Variants in SDK1 observed in about 807,000 individuals in gnomAD.
SDK1 encodes the protein protein sidekick-1.
A neutral mutation model predicts 245.5 loss-of-function variants in SDK1; 157 were observed. The observed-to-expected ratio is 0.64, with a 90% CI of 0.56 to 0.73. SDK1 has a LOEUF of 0.73. Among genes scored for constraint, SDK1 ranks in the 30% least tolerant of loss-of-function variants. The pLI is 0.00. For synonymous variants in SDK1, 1,647 were observed against 1,278.5 expected (o/e 1.29, Z -6.15); for missense variants, 3,583 against 3,002.3 (o/e 1.19, Z -4.52).
At chr7:3,680,012 G>T (rs1388224405) in intron 4 of SDK1, among the ~76,000 whole-genome samples, 1 of 47,122 alleles carries the variant, frequency 2.1e-5, no homozygotes, top group Non-Finnish European at 5.9e-5. Flanking sequence ...TTTGAGATTA[G>T]TAAAAAAATC....
intron 17 of SDK1, among the ~76,000 whole-genome samples, chr7:4,028,364 A>T (rs1202661233): frequency 6.6e-6 from 1 of 152,216 alleles, no homozygotes; most frequent in Non-Finnish European, 1.5e-5. Flanking sequence ...AGGCTCCTGG[A>T]GAGAAACAAT....
intron 38 of SDK1, among the ~76,000 whole-genome samples, chr7:4,210,909 G>A (rs915024256): frequency 2.6e-5 from 4 of 152,176 alleles, no homozygotes; most frequent in Admixed American, 6.5e-5. Context: ...GGAAGAGACC[G>A]GAGTGACAAG....
chr7:3,532,613 A>T (rs781256818), intron 1 of SDK1, among the ~76,000 whole-genome samples: 2 of 152,194 alleles, frequency 1.3e-5, no homozygotes, highest in Non-Finnish European at 2.9e-5. Context: ...TATAACTGTC[A>T]TGTTAACTCC....
intron 1 of SDK1, among the ~76,000 whole-genome samples, chr7:3,500,190 G>T (rs1281093565): frequency 6.6e-6 from 1 of 152,074 alleles, no homozygotes; most frequent in Non-Finnish European, 1.5e-5. Flanking sequence ...CTGTTGTTTA[G>T]CTCTGATCCT....
chr7:4,153,399 G>A (rs966808213), intron 30 of SDK1, among the ~76,000 whole-genome samples: 4 of 151,942 alleles, frequency 2.6e-5, no homozygotes, highest in African/African-American at 7.3e-5. Context: ...CATCCTGGCC[G>A]ATATGGTGAA....
intron 1 of SDK1, among the ~76,000 whole-genome samples, chr7:3,441,411 C>A (rs1259105743): frequency 6.6e-6 from 1 of 152,030 alleles, no homozygotes; most frequent in African/African-American, 2.4e-5. Context: ...CAAAAAAAAA[C>A]CAAAATCTCT....
At chr7:4,101,289 C>T (rs1782522278) in intron 22 of SDK1, among the ~76,000 whole-genome samples, 1 of 151,940 alleles carries the variant, frequency 6.6e-6, no homozygotes, top group Non-Finnish European at 1.5e-5. Context: ...CTACAGGTGC[C>T]CGCCACCACA....
At chr7:3,542,777 T>G (rs942094123) in intron 1 of SDK1, among the ~76,000 whole-genome samples, 1 of 152,184 alleles carries the variant, frequency 6.6e-6, no homozygotes, top group East Asian at 1.9e-4. Context: ...TTAAAGAAGG[T>G]ACAGAGCTCT....
intron 5 of SDK1, among the ~76,000 whole-genome samples, chr7:3,840,938 G>A (rs924527811): frequency 2.0e-5 from 3 of 152,122 alleles, no homozygotes; most frequent in South Asian, 2.1e-4. Context: ...AATCCACATC[G>A]ACTTCAGATG....
At chr7:4,070,122 C>T (rs905251526) in intron 20 of SDK1, among the ~76,000 whole-genome samples, 1 of 152,182 alleles carries the variant, frequency 6.6e-6, no homozygotes, top group African/African-American at 2.4e-5. Flanking sequence ...TATGCGCTAA[C>T]AATTATAATT....
intron 1 of SDK1, among the ~76,000 whole-genome samples, chr7:3,485,398 C>A (rs187578540): frequency 3.9e-5 from 6 of 152,242 alleles, no homozygotes; most frequent in African/African-American, 1.4e-4. Context: ...TGGGTTCCAC[C>A]GTGGCAGGGC....
intron 5 of SDK1, among the ~76,000 whole-genome samples, chr7:3,829,055 A>T (rs754451779): frequency 1.3e-5 from 2 of 152,192 alleles, no homozygotes; most frequent in Non-Finnish European, 2.9e-5. Context: ...GCTGTGTATC[A>T]AATGTTTAGA....
rs544791033 is a variant in SDK1, at chr7:3,714,140, C to T, written c.713+72035C>T. Reference sequence around the variant, plus strand: ...GGAATTCAAAACAACAACACGTTGACGCCATGGTGCACATCCAGGGCAACA... The same window carrying T: ...GGAATTCAAAACAACAACACGTTGATGCCATGGTGCACATCCAGGGCAACA... On this transcript the variant is annotated intron_variant, in intron 4 of 44. Transcript: ENST00000404826. Among the ~76,000 whole-genome samples the T allele has an allele frequency of 5.9e-5, 9 of 152,202 alleles. No homozygotes were observed. In the South Asian group the frequency reaches 8.3e-4, roughly 14 times the overall value.
intron 35 of SDK1, among the ~76,000 whole-genome samples, chr7:4,183,812 A>G (rs1210557889): frequency 3.3e-5 from 5 of 152,174 alleles, no homozygotes; most frequent in African/African-American, 7.2e-5. Context: ...TCTAAGTTAA[A>G]CTAAAAAGTA....
chr7:3,623,130 C>T (rs1781995946), intron 2 of SDK1, among the ~76,000 whole-genome samples: 1 of 152,066 alleles, frequency 6.6e-6, no homozygotes, highest in Non-Finnish European at 1.5e-5. Flanking sequence ...TATGAAAATG[C>T]TAACCCTGTA....
intron 4 of SDK1, among the ~76,000 whole-genome samples, chr7:3,775,608 C>T (rs528146762): frequency 1.3e-4 from 19 of 147,512 alleles, no homozygotes; most frequent in East Asian, 4.0e-4. Flanking sequence ...CTTGCTCTGT[C>T]GCCCAGGCCG....
chr7:3,317,170 G>C (rs148306051), intron 1 of SDK1, among the ~76,000 whole-genome samples: 1,079 of 99,816 alleles, frequency 0.011, 28 homozygotes, highest in African/African-American at 0.042. Flanking sequence ...AACAGAGTGA[G>C]ACTCTGTCTC....
intron 2 of SDK1, among the ~76,000 whole-genome samples, chr7:3,637,649 C>G (rs910955625): frequency 6.6e-6 from 1 of 152,150 alleles, no homozygotes; most frequent in African/African-American, 2.4e-5. Context: ...GAAACTGTAT[C>G]TTTTAATTAT....
intron 4 of SDK1, among the ~76,000 whole-genome samples, chr7:3,781,244 T>C (rs1195969353): frequency 6.6e-6 from 1 of 152,126 alleles, no homozygotes; most frequent in Non-Finnish European, 1.5e-5. Flanking sequence ...GTAACTGGCC[T>C]GACCAGAAGT....
Sources: allele counts gnomAD v4.1 joint callset (sites outside exome capture counted in the v4.1 genomes callset), GRCh38; gene constraint gnomAD v4.1.1; transcripts MANE v1.5; gene names NCBI Gene and HGNC (gene_info 2026-07-23, HGNC 2026-07-21).